Variants in PXDNL observed in about 807,000 individuals in gnomAD.
The protein encoded by PXDNL is probable oxidoreductase PXDNL.
A neutral mutation model predicts 150.8 loss-of-function variants in PXDNL; 145 were observed. The ratio of observed to expected loss-of-function variants is 0.96; its 90% CI spans 0.84 to 1.10. The LOEUF (loss-of-function observed/expected upper bound fraction) is 1.10. PXDNL is among the 50% of genes least tolerant of loss of function. The pLI is 0.00. For missense variants in PXDNL, 2,087 were observed against 1,873.9 expected, an observed-to-expected ratio of 1.11 and a Z score of -2.10; for synonymous variants, 757 against 725.7, an observed-to-expected ratio of 1.04 and a Z score of -0.69.
At chr8:51,804,756 A>T (rs949209035) in intron 1 of PXDNL, among the ~76,000 whole-genome samples, 3 of 151,556 alleles carry the variant, frequency 2.0e-5, no homozygotes, top group African/African-American at 7.3e-5. Context: ...TAATACTTTA[A>T]TCAGCATATA....
intron 1 of PXDNL, among the ~76,000 whole-genome samples, chr8:51,733,837 T>TAC (rs35229867): frequency 1.9e-5 from 2 of 107,216 alleles, no homozygotes; most frequent in Non-Finnish European, 4.6e-5. Context: ...ATATATAATT[T>TAC]ATATATATAT....
intron 5 of PXDNL, among the ~76,000 whole-genome samples, chr8:51,486,283 C>T (rs545774959): frequency 1.3e-5 from 2 of 152,188 alleles, no homozygotes; most frequent in Admixed American, 6.5e-5. Flanking sequence ...ATTGAAAAAT[C>T]ATTCTTGAAT....
chr8:51,370,208 A>C (rs1807059509), intron 19 of PXDNL, among the ~76,000 whole-genome samples: 1 of 152,216 alleles, frequency 6.6e-6, no homozygotes, highest in Admixed American at 6.5e-5. Context: ...ATCACATATC[A>C]CATGGGCAGA....
chr8:51,804,648 T>G (rs546644593), intron 1 of PXDNL, among the ~76,000 whole-genome samples: 1 of 152,158 alleles, frequency 6.6e-6, no homozygotes, highest in East Asian at 1.9e-4. Flanking sequence ...TTGCGGCTAC[T>G]CCCCACAAAG....
At chr8:51,336,735 T>G (rs1279530854) in intron 21 of PXDNL, among the ~76,000 whole-genome samples, 3 of 152,192 alleles carry the variant, frequency 2.0e-5, no homozygotes, top group Admixed American at 6.5e-5. Context: ...TATGTCATGT[T>G]TATTTATTGT....
At chr8:51,667,797 C>T (rs1466587277) in intron 1 of PXDNL, among the ~76,000 whole-genome samples, 1 of 152,170 alleles carries the variant, frequency 6.6e-6, no homozygotes, top group East Asian at 1.9e-4. Flanking sequence ...AATCTGTTTG[C>T]ACTAGAGGCA....
chr8:51,350,859 T>A lies in PXDNL; in HGVS notation c.3902-4912A>T, dbSNP rs555277684. 9.2e-5 allele frequency among the ~76,000 whole-genome samples: 14 copies of A among 152,004 alleles called. 1 individual carries two copies. The East Asian group carries it at 2.7e-3, about 29-fold the overall frequency. ...GGGCTGCTTTTTATTAAAGGAAAAT[T>A]CCACCGAGAACTTTTACCCTCGCTA... On this transcript the variant is annotated intron_variant, in intron 19 of 22. Coordinates refer to ENST00000356297, the MANE Select transcript of PXDNL (RefSeq NM_144651.5).
chr8:51,581,692 A>G (rs980448400), intron 3 of PXDNL, among the ~76,000 whole-genome samples: 3 of 152,094 alleles, frequency 2.0e-5, no homozygotes, highest in Non-Finnish European at 4.4e-5. Context: ...TTCTTGTAGC[A>G]TCCTTGCCTG....
At chr8:51,356,894 A>G (rs1346121364) in intron 19 of PXDNL, among the ~76,000 whole-genome samples, 1 of 152,186 alleles carries the variant, frequency 6.6e-6, no homozygotes, top group Non-Finnish European at 1.5e-5. Flanking sequence ...GGCACTTACT[A>G]TTCCCTAGGC....
chr8:51,326,595 AT>A (rs1805499668), intron 21 of PXDNL, among the ~76,000 whole-genome samples: 1 of 152,188 alleles, frequency 6.6e-6, no homozygotes, highest in African/African-American at 2.4e-5. Context: ...TTCATGTAAC[AT>A]TTTTACTTAA....
In PXDNL at chr8:51,600,287, T is replaced by C. The variant is rs967342657; in HGVS notation, c.237-7589A>G. ...ATTATATCGTTTAGATAATAAATTATATCTTATATAAATTATATGGTTTAG... is the reference window on the plus strand; with the variant it reads ...ATTATATCGTTTAGATAATAAATTACATCTTATATAAATTATATGGTTTAG... On this transcript the variant is annotated intron_variant, in intron 2 of 22. Coordinates refer to ENST00000356297, the MANE Select transcript of PXDNL (RefSeq NM_144651.5). Among the ~76,000 whole-genome samples the C allele has an allele frequency of 6.0e-3, 609 of 101,502 alleles. 69 individuals are homozygous for C. Among genetic ancestry groups the C allele is most frequent in the African/African-American group, 0.023 (572 of 24,708 alleles). The allele number at this position is 101,502 out of a possible 152,430, so 66.6% of individuals were successfully genotyped here.
chr8:51,415,005 T>C (rs961467083), intron 14 of PXDNL, among the ~76,000 whole-genome samples: 2 of 152,172 alleles, frequency 1.3e-5, no homozygotes, highest in Admixed American at 1.3e-4. Context: ...GGCAGACTGA[T>C]AGGACTGTGG....
At chr8:51,688,687 C>T (rs1213159402) in intron 1 of PXDNL, among the ~76,000 whole-genome samples, 1 of 152,074 alleles carries the variant, frequency 6.6e-6, no homozygotes, top group African/African-American at 2.4e-5. Flanking sequence ...GGTGCCACAA[C>T]CATATCTGTA....
intron 4 of PXDNL, among the ~76,000 whole-genome samples, chr8:51,531,970 G>C (rs538390713): frequency 1.9e-4 from 29 of 152,350 alleles, no homozygotes; most frequent in Non-Finnish European, 4.1e-4. Flanking sequence ...CCCCAAACAC[G>C]GTTTAATGTA....
At chr8:51,487,827 T>C (rs1304655387) in intron 5 of PXDNL, among the ~76,000 whole-genome samples, 1 of 152,198 alleles carries the variant, frequency 6.6e-6, no homozygotes, top group Non-Finnish European at 1.5e-5. Context: ...GAAAAGAACA[T>C]TCCTATCCAG....
intron 3 of PXDNL, among the ~76,000 whole-genome samples, chr8:51,588,905 G>T (rs1343476290): frequency 1.3e-5 from 2 of 152,090 alleles, no homozygotes; most frequent in Non-Finnish European, 2.9e-5. Flanking sequence ...ATGCACCTGG[G>T]CAAGTGCTAT....
intron 1 of PXDNL, among the ~76,000 whole-genome samples, chr8:51,710,286 T>C (rs117559966): frequency 0.013 from 1,955 of 152,282 alleles, 29 homozygotes; most frequent in South Asian, 0.046. Context: ...CATGAAATTG[T>C]CTCTTTTTAA....
intron 4 of PXDNL, among the ~76,000 whole-genome samples, chr8:51,519,514 C>T (rs1292418139): frequency 6.6e-6 from 1 of 151,638 alleles, no homozygotes; most frequent in African/African-American, 2.4e-5. Flanking sequence ...GCCTGGGCAA[C>T]AGAGTGAGAC....
At chr8:51,644,410 G>T (rs1182712422) in intron 2 of PXDNL, among the ~76,000 whole-genome samples, 1 of 45,452 alleles carries the variant, frequency 2.2e-5, no homozygotes, top group Non-Finnish European at 4.7e-5. Context: ...ATACACATGT[G>T]TGTGTATATA....
Sources: gnomAD v4.1 joint callset for allele counts (sites outside exome capture counted in the v4.1 genomes callset) on GRCh38, gnomAD v4.1.1 for gene constraint, MANE v1.5 for transcripts, NCBI Gene and HGNC (gene_info 2026-07-23, HGNC 2026-07-21) for gene names.